The following FAT3 variants were observed in gnomAD, a reference collection of about 807,000 sequenced individuals.
FAT3 encodes protocadherin Fat 3.
A neutral mutation model predicts 310.2 loss-of-function variants in FAT3; 95 were observed. The observed-to-expected ratio is 0.31, with a 90% confidence interval of 0.26 to 0.36. The LOEUF is 0.36. FAT3 is among the 10% of genes least tolerant of loss of function. The pLI, the probability that FAT3 is intolerant of heterozygous loss-of-function variation, is 1.00. For missense variants in FAT3, 5,408 were observed against 5,715.6 expected (o/e 0.95, Z 1.74); for synonymous variants, 2,314 against 2,192.9 (o/e 1.06, Z -1.54).
At chr11:92,701,377 C>T (rs1424169666) in intron 4 of FAT3, among the ~76,000 whole-genome samples, 1 of 152,168 alleles carries the variant, frequency 6.6e-6, no homozygotes, top group Non-Finnish European at 1.5e-5. Context: ...AAGGGTTTTT[C>T]AGTCTGTAGA....
At chr11:92,475,812 A>T (rs1297668352) in intron 2 of FAT3, among the ~76,000 whole-genome samples, 1 of 152,186 alleles carries the variant, frequency 6.6e-6, no homozygotes, top group Non-Finnish European at 1.5e-5. Flanking sequence ...AAAGTTATAG[A>T]CTAGAATCAT....
chr11:92,346,892 G>T (rs558763588), intron 1 of FAT3, among the ~76,000 whole-genome samples: 1 of 152,156 alleles, frequency 6.6e-6, no homozygotes, highest in Admixed American at 6.5e-5. Flanking sequence ...AAAATAAAAC[G>T]TAGAGTAGGT....
intron 4 of FAT3, among the ~76,000 whole-genome samples, chr11:92,749,975 TATA>T (rs1320262117): frequency 5.3e-5 from 8 of 152,292 alleles, no homozygotes; most frequent in Middle Eastern, 3.4e-3. Flanking sequence ...ATAATATTTG[TATA>T]ATATCTTTAG....
intron 7 of FAT3, among the ~76,000 whole-genome samples, chr11:92,785,559 A>G (rs1946868418): frequency 6.6e-6 from 1 of 152,176 alleles, no homozygotes; most frequent in Non-Finnish European, 1.5e-5. Context: ...TCAATAGCCT[A>G]CATATATATA....
chr11:92,761,584 T>C (rs1481137897), intron 4 of FAT3, among the ~76,000 whole-genome samples: 1 of 152,162 alleles, frequency 6.6e-6, no homozygotes, highest in East Asian at 1.9e-4. Context: ...CTTTGTCTTT[T>C]ATAGGGACAT....
intron 22 of FAT3, among the ~76,000 whole-genome samples, chr11:92,873,468 T>C (rs2136373295): frequency 6.6e-6 from 1 of 152,296 alleles, no homozygotes; most frequent in Non-Finnish European, 1.5e-5. Context: ...CAGCCAAACC[T>C]GATCAGAATG....
At chr11:92,230,900 C>T (rs1349061741) in intron 1 of FAT3, among the ~76,000 whole-genome samples, 2 of 152,082 alleles carry the variant, frequency 1.3e-5, no homozygotes, top group Non-Finnish European at 2.9e-5. Flanking sequence ...AATATAATTC[C>T]ATTTAATAAT....
chr11:92,340,936 G>T (rs1468275472), intron 1 of FAT3, among the ~76,000 whole-genome samples: 1 of 152,122 alleles, frequency 6.6e-6, no homozygotes, highest in Non-Finnish European at 1.5e-5. Context: ...GCGGAGATCC[G>T]GAAGACTAGT....
At chr11:92,686,976 T>C (rs1399647139) in intron 3 of FAT3, among the ~76,000 whole-genome samples, 2 of 152,172 alleles carry the variant, frequency 1.3e-5, no homozygotes, top group Non-Finnish European at 2.9e-5. Context: ...CTTTAGAGTG[T>C]TCATCTGAAC....
intron 21 of FAT3, among the ~76,000 whole-genome samples, chr11:92,866,041 G>A (rs1411951631): frequency 1.3e-5 from 2 of 152,198 alleles, no homozygotes; most frequent in South Asian, 2.1e-4. Flanking sequence ...CCTAAACCAT[G>A]AGCATCATCC....
chr11:92,466,632 G>T (rs977349805), intron 2 of FAT3, among the ~76,000 whole-genome samples: 1 of 150,584 alleles, frequency 6.6e-6, no homozygotes, highest in Non-Finnish European at 1.5e-5. Context: ...TACACAATGT[G>T]CAGGTTAATT....
chr11:92,599,771 G>A (rs986523671), intron 3 of FAT3, among the ~76,000 whole-genome samples: 1 of 152,180 alleles, frequency 6.6e-6, no homozygotes. Context: ...CCAGAGAGGA[G>A]GTACTCCATA....
chr11:92,775,050 T>G (rs1332547072), intron 7 of FAT3, among the ~76,000 whole-genome samples: 1 of 152,114 alleles, frequency 6.6e-6, no homozygotes, highest in Non-Finnish European at 1.5e-5. Context: ...CACATGCATA[T>G]GCTGTAACCC....
chr11:92,379,502 C>A (rs574108156), intron 2 of FAT3, among the ~76,000 whole-genome samples: 2 of 152,214 alleles, frequency 1.3e-5, no homozygotes, highest in African/African-American at 4.8e-5. Context: ...TAAGCCAGAC[C>A]AAAGCAGATG....
In FAT3 at chr11:92,674,182, AAATAATAATAATAAT is replaced by A. The variant is rs550101493; in HGVS notation, c.3608-23178_3608-23164del. On this transcript the variant is annotated intron_variant, in intron 3 of 27. Transcript: ENST00000525166. ...GTTGACAGAGTGAGACTCCATCTCAAAATAATAATAATAATAATAATAATAATAATAATAATAAAG... is the reference window on the plus strand; with the variant it reads ...GTTGACAGAGTGAGACTCCATCTCAAAATAATAATAATAATAATAATAAAG... Among the ~76,000 whole-genome samples the A allele has an allele frequency of 8.6e-3, 1,212 of 140,944 alleles. 21 individuals are homozygous for A. The highest frequency in any genetic ancestry group is 0.03 in the African/African-American group (1,130 of 37,730). The allele number at this position is 140,944 out of a possible 152,430, so 92.5% of individuals were successfully genotyped here.
intron 1 of FAT3, among the ~76,000 whole-genome samples, chr11:92,306,714 A>G (rs1947140099): frequency 1.6e-5 from 2 of 122,700 alleles, no homozygotes; most frequent in Admixed American, 2.2e-4. Flanking sequence ...AAATATATAT[A>G]TTTATATATT....
At chr11:92,719,887 C>T (rs1156963578) in intron 4 of FAT3, among the ~76,000 whole-genome samples, 2 of 152,118 alleles carry the variant, frequency 1.3e-5, no homozygotes, top group African/African-American at 2.4e-5. Flanking sequence ...CGTTGCCCTT[C>T]CCCTGTTTGG....
chr11:92,440,587 T>C (rs1951044888), intron 2 of FAT3, among the ~76,000 whole-genome samples: 1 of 152,060 alleles, frequency 6.6e-6, no homozygotes, highest in African/African-American at 2.4e-5. Context: ...GAATAGAATG[T>C]TGAGGGCTGC....
chr11:92,295,026 A>G (rs1946813111), intron 1 of FAT3, among the ~76,000 whole-genome samples: 1 of 152,088 alleles, frequency 6.6e-6, no homozygotes, highest in Non-Finnish European at 1.5e-5. Flanking sequence ...TCACCCTATC[A>G]TGAGCAAACC....
Sources: gnomAD v4.1 joint callset for allele counts (sites outside exome capture counted in the v4.1 genomes callset) on GRCh38, gnomAD v4.1.1 for gene constraint, MANE v1.5 for transcripts, NCBI Gene and HGNC (gene_info 2026-07-23, HGNC 2026-07-21) for gene names.